The following DDX10 variants were observed in gnomAD, a reference collection of about 807,000 sequenced individuals.
The protein encoded by DDX10 is DEAD-box helicase 10.
A neutral mutation model predicts 104.3 loss-of-function variants in DDX10; 74 were observed. The observed-to-expected ratio is 0.71, with a 90% CI of 0.59 to 0.86. The LOEUF (loss-of-function observed/expected upper bound fraction) is 0.86, where lower values mean the gene tolerates loss of function less well. Ranked by LOEUF, DDX10 falls within the 40% of genes least tolerant of loss-of-function variation. DDX10 has a pLI of 0.00. For synonymous variants in DDX10, 351 were observed against 353.4 expected (o/e 0.99, Z 0.08); for missense variants, 952 against 1,040.0 (o/e 0.92, Z 1.16).
intron 13 of DDX10, among the ~76,000 whole-genome samples, chr11:108,780,730 A>C (rs1040486677): frequency 6.6e-5 from 10 of 152,148 alleles, no homozygotes; most frequent in African/African-American, 2.2e-4. Context: ...TTGTTGGAAA[A>C]TGTTTCTGTT....
At position 108,723,304 on chromosome 11, in the gene DDX10, C is replaced by G; in HGVS notation, c.1807C>G (p.Gln603Glu). ...EEKLAKAKGS[Q>E]APSLPNTSEA... ...GAAACTGGCAAAAGCAAAAGGATCTCAAGCCCCATCTCTTCCTAACACCAG... is the reference window on the plus strand; with the variant it reads ...GAAACTGGCAAAAGCAAAAGGATCTGAAGCCCCATCTCTTCCTAACACCAG... Residue 603 changes from glutamine (Q) to glutamate (E), a missense_variant, in exon 13 of 18, where the codon CAA becomes GAA. Physicochemically the swap from Gln to Glu is conservative, Grantham distance 29. Transcript: ENST00000322536. 1 of 1,613,858 alleles carries G rather than the reference C, an allele frequency of 6.2e-7. No homozygotes were observed. The highest frequency in any genetic ancestry group is 8.5e-7 in the Non-Finnish European group (1 of 1,179,896).
chr11:108,750,927 T>C (rs893994090), intron 13 of DDX10, among the ~76,000 whole-genome samples: 4 of 8,144 alleles, frequency 4.9e-4, no homozygotes, highest in Admixed American at 1.5e-3. Context: ...ACCTGGTTAC[T>C]TTTTTTTTTT....
At chr11:108,897,481 T>C (rs1190722857) in intron 16 of DDX10, among the ~76,000 whole-genome samples, 1 of 152,196 alleles carries the variant, frequency 6.6e-6, no homozygotes, top group East Asian at 1.9e-4. Context: ...CTTTTTTCTT[T>C]CCCCTTTTGT....
chr11:108,772,604 G>A lies in DDX10; in HGVS notation c.1965+49142G>A, dbSNP rs578188488. Among the ~76,000 whole-genome samples, 7 of 152,302 alleles carry A rather than the reference G, an allele frequency of 4.6e-5. No homozygotes were observed. In the South Asian group the frequency reaches 6.2e-4, roughly 14 times the overall value. ...GCTTCTAGAACTTAAAATAAATGCC[G>A]TCGAAAGGCCATGAAGTTTGTGGGA... On this transcript the variant is annotated intron_variant, in intron 13 of 17. Coordinates refer to ENST00000322536, the MANE Select transcript of DDX10 (RefSeq NM_004398.4).
chr11:108,855,612 A>G (rs1862856849), intron 16 of DDX10, among the ~76,000 whole-genome samples: 1 of 152,090 alleles, frequency 6.6e-6, no homozygotes. Context: ...CGCATGTGCC[A>G]CCACGCCCAG....
Position 108,891,120 on chromosome 11 carries a change from A to G in DDX10, c.2305-26753A>G, listed in dbSNP as rs544775288. Among the ~76,000 whole-genome samples, 3 of 152,280 alleles carry G rather than the reference A, an allele frequency of 2.0e-5. No homozygotes were observed. In the South Asian group the frequency reaches 6.2e-4, roughly 32 times the overall value. ...CTCCTTTGACCGCTATAGCAGTTAC[A>G]CTGACTGTGCAGCAATGTGGGGTCT... is the stretch of plus-strand genomic sequence containing the variant. On this transcript the variant is annotated intron_variant, in intron 16 of 17. Transcript: ENST00000322536.
intron 9 of DDX10, among the ~76,000 whole-genome samples, chr11:108,704,873 T>C (rs976850131): frequency 6.6e-5 from 10 of 152,190 alleles, no homozygotes; most frequent in African/African-American, 2.4e-4. Flanking sequence ...CACTGGACTC[T>C]CAAATGGTGC....
chr11:108,871,204 A>G (rs542148001), intron 16 of DDX10, among the ~76,000 whole-genome samples: 1 of 152,110 alleles, frequency 6.6e-6, no homozygotes, highest in Non-Finnish European at 1.5e-5. Flanking sequence ...TTCCATTATC[A>G]CTTAGGCTGC....
chr11:108,696,823 A>G (rs1307137974), intron 9 of DDX10, among the ~76,000 whole-genome samples: 6 of 152,162 alleles, frequency 3.9e-5, no homozygotes, highest in African/African-American at 1.4e-4. Context: ...GGGACAGGGC[A>G]GACTGATTCA....
At chr11:108,911,737 T>G (rs1276926011) in intron 16 of DDX10, among the ~76,000 whole-genome samples, 1 of 152,006 alleles carries the variant, frequency 6.6e-6, no homozygotes, top group African/African-American at 2.4e-5. Context: ...CCTGGCTAAT[T>G]TTTTTGTAGA....
chr11:108,688,056 C>A (rs2094247098), intron 6 of DDX10, among the ~76,000 whole-genome samples: 4 of 152,086 alleles, frequency 2.6e-5, no homozygotes, highest in Non-Finnish European at 5.9e-5. Context: ...ATCTTCATTC[C>A]TTTTTTACAG....
intron 16 of DDX10, among the ~76,000 whole-genome samples, chr11:108,890,262 C>T (rs1359182184): frequency 1.3e-5 from 2 of 152,064 alleles, no homozygotes; most frequent in African/African-American, 4.8e-5. Context: ...TGTGCCTATA[C>T]GATAATAGCC....
At chr11:108,680,299 T>C (rs1451625900) in intron 6 of DDX10, among the ~76,000 whole-genome samples, 1 of 152,186 alleles carries the variant, frequency 6.6e-6, no homozygotes, top group Non-Finnish European at 1.5e-5. Flanking sequence ...ACTACAGCCT[T>C]CAACTTCTGG....
At chr11:108,839,028 C>T (rs926122276) in intron 14 of DDX10, among the ~76,000 whole-genome samples, 1 of 152,202 alleles carries the variant, frequency 6.6e-6, no homozygotes, top group Non-Finnish European at 1.5e-5. Flanking sequence ...TAGTCTCAGA[C>T]ACAGAGGTGC....
At chr11:108,862,270 C>T (rs990162527) in intron 16 of DDX10, among the ~76,000 whole-genome samples, 4 of 152,120 alleles carry the variant, frequency 2.6e-5, no homozygotes, top group South Asian at 2.1e-4. Context: ...GTGATCCTCC[C>T]GCCTCAGCCT....
At chr11:108,862,357 G>A (rs1046925129) in intron 16 of DDX10, among the ~76,000 whole-genome samples, 1 of 152,072 alleles carries the variant, frequency 6.6e-6, no homozygotes, top group Non-Finnish European at 1.5e-5. Context: ...GCGGGTAGAC[G>A]AGATCTCTTT....
At chr11:108,743,030 A>G (rs187879778) in intron 13 of DDX10, among the ~76,000 whole-genome samples, 1 of 152,330 alleles carries the variant, frequency 6.6e-6, no homozygotes, top group East Asian at 1.9e-4. Context: ...TCCTGAATTC[A>G]TGAGGCCAGT....
At chr11:108,906,823 G>C (rs1448673394) in intron 16 of DDX10, among the ~76,000 whole-genome samples, 1 of 152,200 alleles carries the variant, frequency 6.6e-6, no homozygotes, top group Admixed American at 6.5e-5. Context: ...AAGAAAGCAA[G>C]TGAGTAAGCA....
At chr11:108,723,834 G>T (rs2094301887) in intron 13 of DDX10, among the ~76,000 whole-genome samples, 1 of 151,972 alleles carries the variant, frequency 6.6e-6, no homozygotes, top group Non-Finnish European at 1.5e-5. Flanking sequence ...TAAATTATAA[G>T]GAACAGTTGT....
Sources: gnomAD v4.1 joint callset for allele counts (sites outside exome capture counted in the v4.1 genomes callset) on GRCh38, gnomAD v4.1.1 for gene constraint, MANE v1.5 for transcripts, NCBI Gene and HGNC (gene_info 2026-07-23, HGNC 2026-07-21) for gene names.